REDIC1: variants seen among roughly 807,000 people sequenced by gnomAD.
The protein encoded by REDIC1 is HEI10 Interacting Protein 1.
chr12:39,632,127 C>A, the REDIC1 span, among the ~76,000 whole-genome samples: 1 of 151,838 alleles, frequency 6.6e-6, no homozygotes, highest in Non-Finnish European at 1.5e-5. Context: ...GATGGAATCT[C>A]TCTCTGTTGC....
At chr12:39,833,367 C>T in the REDIC1 span, among the ~76,000 whole-genome samples, 141 of 152,142 alleles carry the variant, frequency 9.3e-4, no homozygotes, top group Non-Finnish European at 1.7e-3. Flanking sequence ...TCCCTAACTT[C>T]CTTACTCCAA....
the REDIC1 span, among the ~76,000 whole-genome samples, chr12:39,845,393 A>AT: frequency 6.6e-6 from 1 of 152,130 alleles, no homozygotes. Context: ...GTCAAACACT[A>AT]TAACACTTGG....
At chr12:39,819,336 G>A in the REDIC1 span, among the ~76,000 whole-genome samples, 1 of 152,100 alleles carries the variant, frequency 6.6e-6, no homozygotes, top group Non-Finnish European at 1.5e-5. Flanking sequence ...CTAAGTCACA[G>A]TTATAGGACC....
the REDIC1 span, among the ~76,000 whole-genome samples, chr12:39,711,841 A>G: frequency 0.022 from 1,857 of 83,192 alleles, 143 homozygotes; most frequent in Admixed American, 0.073. Flanking sequence ...ATATGTGTGT[A>G]TACACATGCA....
At chr12:39,684,853 T>G in the REDIC1 span, 1 of 1,596,686 alleles carries the variant, frequency 6.3e-7, no homozygotes, top group Non-Finnish European at 8.6e-7. Context: ...ATACTGTGTA[T>G]TTATAATCCT....
chr12:39,667,749 C>G, the REDIC1 span, among the ~76,000 whole-genome samples: 1 of 152,132 alleles, frequency 6.6e-6, no homozygotes, highest in South Asian at 2.1e-4. Context: ...TCTGGGCGCT[C>G]CTGTATTGGG....
chr12:39,883,295 A>T, the REDIC1 span, among the ~76,000 whole-genome samples: 1 of 152,152 alleles, frequency 6.6e-6, no homozygotes, highest in Non-Finnish European at 1.5e-5. Context: ...CCTCACCACC[A>T]TCACTCTCCT....
the REDIC1 span, among the ~76,000 whole-genome samples, chr12:39,789,229 T>C: frequency 6.6e-6 from 1 of 152,046 alleles, no homozygotes; most frequent in African/African-American, 2.4e-5. Flanking sequence ...TTTTTCTGTA[T>C]AGGATATTTT....
At chr12:39,713,600 A>G in the REDIC1 span, among the ~76,000 whole-genome samples, 1 of 149,400 alleles carries the variant, frequency 6.7e-6, no homozygotes, top group Non-Finnish European at 1.5e-5. Context: ...ATAGATACGT[A>G]TATATACATA....
the REDIC1 span, among the ~76,000 whole-genome samples, chr12:39,741,083 C>T: frequency 2.0e-5 from 3 of 152,190 alleles, no homozygotes; most frequent in Admixed American, 2.0e-4. Flanking sequence ...TCTCTTGTCT[C>T]AGCCTCCCCA....
the REDIC1 span, among the ~76,000 whole-genome samples, chr12:39,893,301 C>A: frequency 6.6e-6 from 1 of 152,082 alleles, no homozygotes; most frequent in African/African-American, 2.4e-5. Context: ...AGTTTTATAG[C>A]TCTTTTCTTT....
At chr12:39,719,237 G>C in the REDIC1 span, among the ~76,000 whole-genome samples, 1 of 151,992 alleles carries the variant, frequency 6.6e-6, no homozygotes, top group African/African-American at 2.4e-5. Flanking sequence ...TGAAAGAAAA[G>C]AGCAAATAAT....
At chr12:39,648,368 G>A in the REDIC1 span, among the ~76,000 whole-genome samples, 1 of 151,666 alleles carries the variant, frequency 6.6e-6, no homozygotes. Context: ...TACAGTTTCA[G>A]AGATGTCGTA....
the REDIC1 span, chr12:39,758,879 G>A: frequency 6.6e-6 from 1 of 151,400 alleles, no homozygotes; most frequent in African/African-American, 2.4e-5. Context: ...AAAAAGACAA[G>A]TACAATTAAA....
chr12:39,679,013 A>G, the REDIC1 span, among the ~76,000 whole-genome samples: 1 of 152,160 alleles, frequency 6.6e-6, no homozygotes, highest in Non-Finnish European at 1.5e-5. Flanking sequence ...GGGAAAGTTG[A>G]AAGCATTCCC....
chr12:39,646,726 A>T, the REDIC1 span: 1 of 671,814 alleles, frequency 1.5e-6, no homozygotes, highest in Non-Finnish European at 2.4e-6. Flanking sequence ...CCCTGTAGTG[A>T]TTTACTTAGG....
the REDIC1 span, among the ~76,000 whole-genome samples, chr12:39,785,682 G>A: frequency 7.2e-4 from 109 of 152,258 alleles, 1 homozygote; most frequent in African/African-American, 2.5e-3. Context: ...ACGCCAGCCC[G>A]TGAAAGCAGC....
the REDIC1 span, among the ~76,000 whole-genome samples, chr12:39,695,984 G>A: frequency 0.79 from 120,512 of 152,014 alleles, 48,498 homozygotes; most frequent in Non-Finnish European, 0.86. Context: ...TTTCCCAGAT[G>A]TTGTCTAAGA....
At chr12:39,899,355 T>C in the REDIC1 span, among the ~76,000 whole-genome samples, 15 of 152,204 alleles carry the variant, frequency 9.9e-5, no homozygotes, top group African/African-American at 3.1e-4. Flanking sequence ...ATTGCATCTA[T>C]TTGATTCTCC....
Sources: allele counts gnomAD v4.1 joint callset (sites outside exome capture counted in the v4.1 genomes callset), GRCh38; gene constraint gnomAD v4.1.1; transcripts MANE v1.5; gene names NCBI Gene and HGNC (gene_info 2026-07-23, HGNC 2026-07-21).